ERP44: variants seen among roughly 807,000 people sequenced by gnomAD.
The protein encoded by ERP44 is endoplasmic reticulum resident protein 44.
In ERP44, 25 loss-of-function variants were observed where a neutral mutation model predicts 53.4. That is an observed-to-expected ratio of 0.47 (90% CI 0.34 to 0.65). The LOEUF is 0.65. ERP44 is among the 30% of genes least tolerant of loss of function. The pLI is 0.01. For missense variants in ERP44, 338 were observed against 493.2 expected (o/e 0.69, Z 2.98); for synonymous variants, 145 against 161.2 (o/e 0.90, Z 0.76).
In ERP44 at chr9:100,052,795, C is replaced by T. The variant is rs990947904; in HGVS notation, c.171-263G>A. Reference sequence around the variant, plus strand: ...ACAATTGCCAGTATTATGGAGCACACAGCTAAGGATCTCTTGCAGAGGTCA... The same window carrying T: ...ACAATTGCCAGTATTATGGAGCACATAGCTAAGGATCTCTTGCAGAGGTCA... On this transcript the variant is annotated intron_variant, in intron 3 of 11. Coordinates refer to ENST00000262455, the MANE Select transcript of ERP44 (RefSeq NM_015051.3). Among the ~76,000 whole-genome samples the T allele has an allele frequency of 7.9e-5, 12 of 152,292 alleles. No homozygotes were observed. In the South Asian group the frequency reaches 2.5e-3, roughly 32 times the overall value.
intron 4 of ERP44, among the ~76,000 whole-genome samples, chr9:100,035,343 T>C (rs1825839326): frequency 6.6e-6 from 1 of 152,122 alleles, no homozygotes; most frequent in Non-Finnish European, 1.5e-5. Flanking sequence ...AGGTCTAATA[T>C]CTAGAATCTA....
chr9:100,043,881 T>G (rs954333646), intron 4 of ERP44, among the ~76,000 whole-genome samples: 1 of 152,198 alleles, frequency 6.6e-6, no homozygotes, highest in African/African-American at 2.4e-5. Flanking sequence ...TCTACAGCAC[T>G]GTAGGGTGAC....
rs563625205 is a variant in ERP44 at position 99,998,820 on chromosome 9, A to C, written c.1016+7686T>G. On this transcript the variant is annotated intron_variant, in intron 10 of 11. Coordinates refer to ENST00000262455, the MANE Select transcript of ERP44 (RefSeq NM_015051.3). ...TCTTCTCGAATTCTCTGCTTTTCTA[A>C]TTTTCTATTTTTAATATATTCCAAA... The C allele has an allele frequency of 2.1e-5, 24 of 1,130,206 alleles. 1 individual carries two copies. In the East Asian group the frequency reaches 5.9e-4, roughly 28 times the overall value. 70.0% of individuals were successfully genotyped at this position (1,130,206 alleles called of 1,614,324 possible).
chr9:100,072,188 G>T (rs1422750567), intron 1 of ERP44, among the ~76,000 whole-genome samples: 1 of 152,120 alleles, frequency 6.6e-6, no homozygotes, highest in Non-Finnish European at 1.5e-5. Context: ...TATATTAAGG[G>T]TCACTAAGGT....
intron 1 of ERP44, among the ~76,000 whole-genome samples, chr9:100,091,215 T>C (rs945821843): frequency 6.6e-5 from 10 of 152,160 alleles, no homozygotes; most frequent in Admixed American, 2.6e-4. Context: ...AAATCTCAGG[T>C]TTGTAGGAAT....
intron 8 of ERP44, among the ~76,000 whole-genome samples, 175 bp downstream of exon 8, chr9:100,016,147 G>A (rs1830523021): frequency 6.6e-6 from 1 of 152,284 alleles, no homozygotes; most frequent in South Asian, 2.1e-4. Flanking sequence ...GGGGTTCTGG[G>A]ATAGCAAAGG....
At chr9:100,043,097 A>C (rs2118691272) in intron 4 of ERP44, among the ~76,000 whole-genome samples, 1 of 151,600 alleles carries the variant, frequency 6.6e-6, no homozygotes, top group Middle Eastern at 3.4e-3. Flanking sequence ...GTCTCTACTA[A>C]AAATACAAAA....
rs34853838 is a variant in ERP44, at chr9:100,071,093, G to GTTTTT, written c.58-10926_58-10922dup. Among the ~76,000 whole-genome samples, 127 of 119,530 alleles carry GTTTTT rather than the reference G, an allele frequency of 1.1e-3. 1 individual carries two copies. Among genetic ancestry groups the GTTTTT allele is most frequent in the East Asian group, 2.8e-3 (11 of 3,876 alleles). 78.4% of individuals were successfully genotyped at this position (119,530 alleles called of 152,430 possible). A position where few individuals can be genotyped will look rare whatever the true frequency, so the allele number is the denominator to read the frequency against. On this transcript the variant is annotated intron_variant, in intron 1 of 11. Coordinates refer to ENST00000262455, the MANE Select transcript of ERP44 (RefSeq NM_015051.3). ...TGTAGTATCTCCTAAATTATATAAG[G>GTTTTT]TTTTTTTTTTTTTTTTTTTGAGACA... is the stretch of plus-strand genomic sequence containing the variant.
intron 11 of ERP44, among the ~76,000 whole-genome samples, chr9:99,984,589 G>T (rs1406280349): frequency 6.6e-6 from 1 of 152,152 alleles, no homozygotes; most frequent in Non-Finnish European, 1.5e-5. Context: ...TTATAGTGTG[G>T]TCAATCTTCC....
intron 1 of ERP44, among the ~76,000 whole-genome samples, chr9:100,094,806 T>TAA (rs5899404): frequency 1.3e-5 from 2 of 150,900 alleles, no homozygotes; most frequent in East Asian, 2.0e-4. Context: ...CTACAAAAAT[T>TAA]AAAAAAAATT....
At chr9:100,053,817 A>C (rs1280100864) in intron 3 of ERP44, among the ~76,000 whole-genome samples, 2 of 152,218 alleles carry the variant, frequency 1.3e-5, no homozygotes, top group African/African-American at 4.8e-5. Flanking sequence ...AGAAGTATTA[A>C]GAATATGTAA....
chr9:100,082,358 C>A (rs1826436053), intron 1 of ERP44, among the ~76,000 whole-genome samples: 1 of 146,248 alleles, frequency 6.8e-6, no homozygotes, highest in African/African-American at 2.7e-5. Context: ...GCACATGTAT[C>A]CCAGAACTTA....
chr9:100,046,455 G>C (rs1239850479), intron 4 of ERP44, among the ~76,000 whole-genome samples: 1 of 152,066 alleles, frequency 6.6e-6, no homozygotes, highest in Non-Finnish European at 1.5e-5. Context: ...TATTATTTTT[G>C]CAACTATAAT....
intron 4 of ERP44, among the ~76,000 whole-genome samples, chr9:100,039,042 A>C (rs1194784401): frequency 2.6e-5 from 4 of 152,206 alleles, no homozygotes; most frequent in Non-Finnish European, 4.4e-5. Context: ...AGATATATAA[A>C]GCAAGTATTA....
chr9:100,089,357 G>C (rs1373132723), intron 1 of ERP44, among the ~76,000 whole-genome samples: 1 of 152,094 alleles, frequency 6.6e-6, no homozygotes, highest in Non-Finnish European at 1.5e-5. Flanking sequence ...AAGGCAGGCG[G>C]ATCACCTTAG....
At position 100,094,428 on chromosome 9, in the gene ERP44, C is replaced by T. The variant is rs538968213; in HGVS notation, c.57+4356G>A. Among the ~76,000 whole-genome samples, 152 of 152,168 alleles carry T rather than the reference C, an allele frequency of 1.0e-3. 2 individuals are homozygous for T. The highest frequency in any genetic ancestry group is 3.5e-3 in the African/African-American group (145 of 41,522). Reference sequence around the variant, plus strand: ...ATCCCAGCACTTTGGGAGGCCAAGGCGGGCAGATCACCTCAGGTCAGGAGT... The same window carrying T: ...ATCCCAGCACTTTGGGAGGCCAAGGTGGGCAGATCACCTCAGGTCAGGAGT... On this transcript the variant is annotated intron_variant, in intron 1 of 11. Transcript: ENST00000262455.
At chr9:100,020,891 G>A (rs1361531952) in intron 5 of ERP44, among the ~76,000 whole-genome samples, 160 bp from the exon 6 acceptor site, 1 of 152,166 alleles carries the variant, frequency 6.6e-6, no homozygotes, top group African/African-American at 2.4e-5. Context: ...GTCCAAAACT[G>A]TTAAAGATTA....
intron 8 of ERP44, among the ~76,000 whole-genome samples, chr9:100,013,407 G>A (rs1830496079): frequency 6.7e-6 from 1 of 148,952 alleles, no homozygotes; most frequent in African/African-American, 2.5e-5. Flanking sequence ...AACACTTTTT[G>A]AAAGCATCTA....
intron 1 of ERP44, among the ~76,000 whole-genome samples, chr9:100,077,495 T>C (rs1265337766): frequency 1.3e-5 from 2 of 152,172 alleles, no homozygotes; most frequent in African/African-American, 4.8e-5. Flanking sequence ...ATTTCTCCCA[T>C]AGCCAGGATT....
Sources: gnomAD v4.1 joint callset for allele counts (sites outside exome capture counted in the v4.1 genomes callset) on GRCh38, gnomAD v4.1.1 for gene constraint, MANE v1.5 for transcripts, NCBI Gene and HGNC (gene_info 2026-07-23, HGNC 2026-07-21) for gene names.